Variants in MYCBP2 observed in about 807,000 individuals in gnomAD.
MYCBP2 encodes MYC binding protein 2.
In MYCBP2, 120 loss-of-function variants were observed where a neutral mutation model predicts 525.3. The observed-to-expected ratio is 0.23, with a 90% CI of 0.20 to 0.27. The LOEUF (loss-of-function observed/expected upper bound fraction) is 0.27, where lower values mean the gene tolerates loss of function less well. Ranked by LOEUF, MYCBP2 falls within the 10% of genes least tolerant of loss-of-function variation. MYCBP2 has a pLI of 1.00. For missense variants in MYCBP2, 4,149 were observed against 5,657.1 expected (o/e 0.73, Z 8.55); for synonymous variants, 1,894 against 1,955.8 (o/e 0.97, Z 0.83).
chr13:77,096,246 T>C (rs2046238851), intron 57 of MYCBP2, 66 bp downstream of exon 57: 1 of 1,455,164 alleles, frequency 6.9e-7, no homozygotes, highest in Non-Finnish European at 9.3e-7. Flanking sequence ...AGTAAGATTA[T>C]AACAAGGTAT....
At chr13:77,253,883 C>G (rs1403012673) in intron 14 of MYCBP2, among the ~76,000 whole-genome samples, 2 of 151,782 alleles carry the variant, frequency 1.3e-5, no homozygotes, top group Non-Finnish European at 2.9e-5. Context: ...AAACTGAAAT[C>G]CACAATAGAG....
chr13:77,319,586 C>T (rs1029144529), intron 1 of MYCBP2, among the ~76,000 whole-genome samples: 2 of 152,150 alleles, frequency 1.3e-5, no homozygotes, highest in Non-Finnish European at 2.9e-5. Flanking sequence ...TCATCTTTCT[C>T]CAATCTATCA....
At chr13:77,045,548 TAAACCTCACAG>T in intron 82 of MYCBP2, 55 bp from the exon 83 acceptor site, 1 of 1,051,200 alleles carries the variant, frequency 9.5e-7, no homozygotes, top group Non-Finnish European at 1.5e-6. Flanking sequence ...TACACACATA[TAAACCTCACAG>T]AAATATAAAT....
In MYCBP2 at chr13:77,270,504, A is replaced by C; in HGVS notation, c.980T>G (p.Val327Gly). The C allele has an allele frequency of 6.2e-7, 1 of 1,613,442 alleles. No individual in the cohort carries two copies. Among genetic ancestry groups the C allele is most frequent in the Non-Finnish European group, 8.5e-7 (1 of 1,179,596 alleles). The change falls in exon 6 of 83, where the codon GTA becomes GGA. Residue 327 changes from valine to glycine, a missense_variant. By Grantham distance (109) the Val-to-Gly change is moderately radical. Around this residue, in one of 21 missense-constraint regions of MYCBP2, gnomAD observed 413 missense variants for 451.2 expected, o/e 0.92. Transcript: ENST00000544440. ...PTILNSLQRSVQAVLVGKIQI... is the reference protein window; with the variant it reads ...PTILNSLQRSGQAVLVGKIQI... ...AATTTTTCCCACCAAAACTGCTTGTACACTTCTCTGTAGCGAATTTAGAAT... is the reference window on the plus strand; with the variant it reads ...AATTTTTCCCACCAAAACTGCTTGTCCACTTCTCTGTAGCGAATTTAGAAT...
At chr13:77,321,475 T>A (rs1225126460) in intron 1 of MYCBP2, among the ~76,000 whole-genome samples, 1 of 152,230 alleles carries the variant, frequency 6.6e-6, no homozygotes. Flanking sequence ...ATAAATAACG[T>A]CTCTTCATAG....
intron 48 of MYCBP2, among the ~76,000 whole-genome samples, chr13:77,145,476 A>G (rs1006309698): frequency 6.6e-6 from 1 of 152,116 alleles, no homozygotes; most frequent in African/African-American, 2.4e-5. Flanking sequence ...TATCTAGGTG[A>G]CAACCATTCC....
chr13:77,110,394 G>T (rs1594628671), intron 55 of MYCBP2, among the ~76,000 whole-genome samples: 2 of 152,136 alleles, frequency 1.3e-5, no homozygotes, highest in South Asian at 4.1e-4. Flanking sequence ...TGAAATTGAG[G>T]TCAGATCGGT....
chr13:77,057,715 G>A (rs1436462241), intron 78 of MYCBP2, among the ~76,000 whole-genome samples: 1 of 151,690 alleles, frequency 6.6e-6, no homozygotes, highest in African/African-American at 2.4e-5. Context: ...TTAAAGCTGA[G>A]CATGCAACAT....
chr13:77,270,073 A>C lies in MYCBP2; in HGVS notation c.1189-10T>G, dbSNP rs570627852. ...AATTGTATATATGGCCCTGCAAAAA[A>C]AACAAAAGTTAGTATATCAGTGGTT... On this transcript the variant is annotated splice_polypyrimidine_tract_variant and intron_variant, in intron 6 of 82. Coordinates refer to ENST00000544440, the MANE Select transcript of MYCBP2 (RefSeq NM_015057.5). 8.2e-6 allele frequency: 13 copies of C among 1,592,760 alleles called. No individual in the cohort carries two copies. In the East Asian group the frequency reaches 2.9e-4, roughly 36 times the overall value.
In MYCBP2 at chr13:77,169,725, G is replaced by C. The variant is rs183677654; in HGVS notation, c.5795-11C>G. On this transcript the variant is annotated splice_polypyrimidine_tract_variant and intron_variant, in intron 38 of 82. Coordinates refer to ENST00000544440, the MANE Select transcript of MYCBP2 (RefSeq NM_015057.5). ...CTGGAATGTCATCAGCTAAAAAAAG[G>C]CATAAAAGGCATTAAAACTATAGTC... 2.5e-6 allele frequency: 4 copies of C among 1,597,066 alleles called. No homozygotes were observed. The highest frequency in any genetic ancestry group is 2.6e-6 in the Non-Finnish European group (3 of 1,165,018).
chr13:77,099,654 A>C (rs535765286), intron 55 of MYCBP2: 1 of 152,418 alleles, frequency 6.6e-6, no homozygotes, highest in African/African-American at 2.4e-5. Context: ...TACACTCCAA[A>C]AGTTCAGGAA....
intron 26 of MYCBP2, 143 bp from the exon 27 acceptor site, chr13:77,194,387 C>T (rs2061561510): frequency 1.6e-6 from 1 of 609,342 alleles, no homozygotes; most frequent in South Asian, 2.3e-5. Flanking sequence ...TTTAACATTA[C>T]TATGTGAAAT....
Position 77,137,374 on chromosome 13 carries a change from A to T in MYCBP2, c.7659+1822T>A, listed in dbSNP as rs372790848. On this transcript the variant is annotated intron_variant, in intron 52 of 82. Coordinates refer to ENST00000544440, the MANE Select transcript of MYCBP2 (RefSeq NM_015057.5). Reference sequence around the variant, plus strand: ...AGCTCCTCAAATGAGCAAAGAAATCAGAGAAAATTTGGACTAGGAAGGTAG... The same window carrying T: ...AGCTCCTCAAATGAGCAAAGAAATCTGAGAAAATTTGGACTAGGAAGGTAG... Among the ~76,000 whole-genome samples, 7 of 152,232 alleles carry T rather than the reference A, an allele frequency of 4.6e-5. No homozygotes were observed. In the East Asian group the frequency reaches 1.2e-3, roughly 25 times the overall value.
At chr13:77,247,658 C>T (rs376826068) in intron 15 of MYCBP2, among the ~76,000 whole-genome samples, 2 of 152,078 alleles carry the variant, frequency 1.3e-5, no homozygotes, top group East Asian at 3.8e-4. Context: ...GTTTTGACTT[C>T]AAAACTTACT....
chr13:77,273,791 G>T, intron 4 of MYCBP2, 123 bp from the exon 5 acceptor site: 1 of 709,022 alleles, frequency 1.4e-6, no homozygotes, highest in Non-Finnish European at 2.0e-6. Flanking sequence ...CAATTACTTT[G>T]CTTTAGTTTC....
Position 77,203,827 on chromosome 13 carries a change from A to G in MYCBP2, c.3843+1429T>C, listed in dbSNP as rs796667724. 3.9e-5 allele frequency among the ~76,000 whole-genome samples: 6 copies of G among 152,092 alleles called. No homozygotes were observed. In the South Asian group the frequency reaches 1.2e-3, roughly 32 times the overall value. Reference sequence around the variant, plus strand: ...TCCCTATTTAATAAATGGTGCTGGGAAAACTGGCTAGCCATATGTAGAAAG... The same window carrying G: ...TCCCTATTTAATAAATGGTGCTGGGGAAACTGGCTAGCCATATGTAGAAAG... On this transcript the variant is annotated intron_variant, in intron 26 of 82. Coordinates refer to ENST00000544440, the MANE Select transcript of MYCBP2 (RefSeq NM_015057.5).
At chr13:77,302,844 C>G (rs1431260384) in intron 1 of MYCBP2, among the ~76,000 whole-genome samples, 2 of 152,124 alleles carry the variant, frequency 1.3e-5, no homozygotes, top group Non-Finnish European at 2.9e-5. Flanking sequence ...GCAAAAGGGT[C>G]AAATCATTAG....
At chr13:77,260,686 T>G in intron 12 of MYCBP2, 94 bp from the exon 13 acceptor site, 1 of 1,123,780 alleles carries the variant, frequency 8.9e-7, no homozygotes, top group Non-Finnish European at 1.2e-6. Context: ...ACCCATATTA[T>G]TTGCATTTAT....
intron 4 of MYCBP2, among the ~76,000 whole-genome samples, chr13:77,274,353 G>C (rs894452220): frequency 6.6e-6 from 1 of 152,146 alleles, no homozygotes. Context: ...CTCCATCTAA[G>C]ATTCAATCAA....
Sources: allele counts gnomAD v4.1 joint callset (sites outside exome capture counted in the v4.1 genomes callset), GRCh38; gene constraint gnomAD v4.1.1; regional missense constraint gnomAD v4.1.1; transcripts MANE v1.5; gene names NCBI Gene and HGNC (gene_info 2026-07-23, HGNC 2026-07-21).